SLC9A1: variants seen among roughly 807,000 people sequenced by gnomAD.
SLC9A1 encodes sodium/hydrogen exchanger 1.
SLC9A1 carries 22 observed loss-of-function variants against 67.9 expected under a neutral mutation model. That is an observed-to-expected ratio of 0.32 (90% CI 0.23 to 0.46). The LOEUF is 0.46. Ranked by LOEUF, SLC9A1 falls within the 20% of genes least tolerant of loss-of-function variation. SLC9A1 has a pLI of 1.00. For synonymous variants in SLC9A1, 421 were observed against 471.8 expected (o/e 0.89, Z 1.40); for missense variants, 686 against 1,094.8 (o/e 0.63, Z 5.27).
At chr1:27,129,076 G>A (rs890340983) in intron 1 of SLC9A1, among the ~76,000 whole-genome samples, 5 of 152,226 alleles carry the variant, frequency 3.3e-5, no homozygotes, top group African/African-American at 1.2e-4. Flanking sequence ...CAAGCTGGCA[G>A]CACTAGGGAG....
chr1:27,104,583 G>T (rs2083171153), intron 5 of SLC9A1, among the ~76,000 whole-genome samples: 1 of 151,092 alleles, frequency 6.6e-6, no homozygotes, highest in Non-Finnish European at 1.5e-5. Flanking sequence ...TAGAGACAAG[G>T]TTGCCATGTT....
At chr1:27,122,007 T>G (rs1321724302) in intron 1 of SLC9A1, among the ~76,000 whole-genome samples, 1 of 152,122 alleles carries the variant, frequency 6.6e-6, no homozygotes, top group Admixed American at 6.5e-5. Context: ...TCCTAGCTAC[T>G]CAGGAGAGTG....
chr1:27,108,160 G>C (rs933302475), intron 3 of SLC9A1, among the ~76,000 whole-genome samples: 1 of 148,774 alleles, frequency 6.7e-6, no homozygotes, highest in Non-Finnish European at 1.5e-5. Context: ...TCCGCCTCCC[G>C]GGTTCAAGCA....
At chr1:27,123,716 G>A (rs1007449390) in intron 1 of SLC9A1, among the ~76,000 whole-genome samples, 1 of 151,998 alleles carries the variant, frequency 6.6e-6, no homozygotes, top group Non-Finnish European at 1.5e-5. Flanking sequence ...TCACTATGCT[G>A]GCCAGGCTGG....
At chr1:27,134,724 A>G (rs2083407436) in intron 1 of SLC9A1, among the ~76,000 whole-genome samples, 1 of 152,212 alleles carries the variant, frequency 6.6e-6, no homozygotes, top group Non-Finnish European at 1.5e-5. Context: ...TTAAGCTGCA[A>G]AAGAGTACAG....
chr1:27,149,216 G>A (rs2124216821), intron 1 of SLC9A1, among the ~76,000 whole-genome samples: 1 of 152,020 alleles, frequency 6.6e-6, no homozygotes, highest in East Asian at 2.0e-4. Context: ...TCTCAGTGCA[G>A]GGCCATGTGC....
In SLC9A1 at chr1:27,100,695, C is replaced by T; in HGVS notation, c.2111-51G>A. On this transcript the variant is annotated intron_variant, in intron 11 of 11. Transcript: ENST00000263980. This position sits in a 1 kb window ranked among gnomAD's most constrained non-coding sequence, Gnocchi z 5.6. ...CTGGGTTCCGCTCTGGAGCCCGGCC[C>T]AGCACGTGCCACTCGGCCGCGTCAG... The T allele has an allele frequency of 6.8e-7, 1 of 1,468,188 alleles. No homozygotes were observed. Among genetic ancestry groups the T allele is most frequent in the Non-Finnish European group, 9.3e-7 (1 of 1,078,388 alleles). 90.9% of individuals were successfully genotyped at this position (1,468,188 alleles called of 1,614,324 possible). A position where few individuals can be genotyped will look rare whatever the true frequency, so the allele number is the denominator to read the frequency against.
chr1:27,145,169 C>G (rs1463315535), intron 1 of SLC9A1, among the ~76,000 whole-genome samples: 1 of 151,960 alleles, frequency 6.6e-6, no homozygotes, highest in East Asian at 1.9e-4. Context: ...GCCTGCTTAT[C>G]TAATTCCTTT....
intron 1 of SLC9A1, among the ~76,000 whole-genome samples, chr1:27,142,771 T>G (rs1319250439): frequency 6.6e-6 from 1 of 152,210 alleles, no homozygotes; most frequent in Non-Finnish European, 1.5e-5. Context: ...TGCTTTGATT[T>G]CCAACTTAGA....
intron 1 of SLC9A1, among the ~76,000 whole-genome samples, chr1:27,138,136 G>A (rs1570880524): frequency 6.6e-6 from 1 of 152,188 alleles, no homozygotes; most frequent in East Asian, 1.9e-4. Context: ...GTGCCACACA[G>A]CACCATGAAT....
intron 1 of SLC9A1, among the ~76,000 whole-genome samples, chr1:27,130,394 AC>A (rs751584499): frequency 1.3e-5 from 2 of 152,078 alleles, no homozygotes; most frequent in Non-Finnish European, 2.9e-5. Flanking sequence ...GAGCCACCGC[AC>A]CCGGCCTAAA....
rs1354050827 is a variant in SLC9A1 at position 27,112,881 on chromosome 1, C to A, written c.813+945G>T. 8.9e-5 allele frequency among the ~76,000 whole-genome samples: 10 copies of A among 112,634 alleles called. No individual in the cohort carries two copies. In the South Asian group the frequency reaches 2.1e-3, roughly 23 times the overall value. 73.9% of individuals were successfully genotyped at this position (112,634 alleles called of 152,430 possible). On this transcript the variant is annotated intron_variant, in intron 2 of 11. Transcript: ENST00000263980. The stretch of plus-strand genomic sequence containing the variant: ...TCTGGGAGACAGAGCAAGACTCCAT[C>A]TCAAAAAAAAAAAAAAAAAAAAAAG...
At chr1:27,115,474 C>T (rs1472120355) in intron 1 of SLC9A1, among the ~76,000 whole-genome samples, 5 of 152,078 alleles carry the variant, frequency 3.3e-5, no homozygotes, top group African/African-American at 9.7e-5. Flanking sequence ...GTACTATGCT[C>T]CCAGGGTTGG....
chr1:27,109,478 C>A lies in SLC9A1; in HGVS notation c.1064+49G>T. 1 of 1,592,088 alleles carries A rather than the reference C, an allele frequency of 6.3e-7. No homozygotes were observed. ...GAGCCTGGGGAATCCAAGCTGGCAGCCCCCGCCCCCACCCCGCCAAGCCCA... is the reference window on the plus strand; with the variant it reads ...GAGCCTGGGGAATCCAAGCTGGCAGACCCCGCCCCCACCCCGCCAAGCCCA... On this transcript the variant is annotated intron_variant, in intron 3 of 11. Coordinates refer to ENST00000263980, the MANE Select transcript of SLC9A1 (RefSeq NM_003047.5). The surrounding 1 kb of genome is among the most constrained non-coding windows in gnomAD (Gnocchi z 5.5).
At chr1:27,102,807 A>C (rs1202069370) in intron 6 of SLC9A1, 64 bp from the exon 7 acceptor site, 1 of 1,380,430 alleles carries the variant, frequency 7.2e-7, no homozygotes, top group Non-Finnish European at 1.0e-6. Flanking sequence ...AAGACCTCTG[A>C]CTAGCCCCAC....
intron 5 of SLC9A1, 105 bp downstream of exon 5, chr1:27,105,780 G>T: frequency 2.0e-6 from 2 of 979,048 alleles, no homozygotes; most frequent in Non-Finnish European, 3.2e-6. Context: ...TAGTGGTGGA[G>T]CTGGGACTAG....
At chr1:27,148,631 A>G (rs1249715655) in intron 1 of SLC9A1, among the ~76,000 whole-genome samples, 1 of 152,196 alleles carries the variant, frequency 6.6e-6, no homozygotes, top group African/African-American at 2.4e-5. Flanking sequence ...CATCAATACC[A>G]CATGCTATTC....
chr1:27,107,179 T>C (rs114765606), intron 4 of SLC9A1, among the ~76,000 whole-genome samples: 19 of 2,360 alleles, frequency 8.1e-3, no homozygotes, highest in Admixed American at 0.019. Flanking sequence ...ACCCACACCC[T>C]CACAGCCCCT....
intron 1 of SLC9A1, among the ~76,000 whole-genome samples, chr1:27,125,354 T>C (rs1162885367): frequency 1.4e-5 from 2 of 146,100 alleles, no homozygotes; most frequent in Admixed American, 6.9e-5. Context: ...CAAGTGATTC[T>C]TGTGCCTCAG....
Sources: allele counts gnomAD v4.1 joint callset (sites outside exome capture counted in the v4.1 genomes callset), GRCh38; gene constraint gnomAD v4.1.1; non-coding constraint Gnocchi (gnomAD v3.1); transcripts MANE v1.5; gene names NCBI Gene and HGNC (gene_info 2026-07-23, HGNC 2026-07-21).